NPAS3: variants seen among roughly 807,000 people sequenced by gnomAD.
NPAS3 encodes neuronal PAS domain-containing protein 3.
Under a neutral mutation model 73.1 loss-of-function variants are expected in NPAS3, and 14 were observed. That is an observed-to-expected ratio of 0.19 (90% confidence interval 0.13 to 0.30). The LOEUF (loss-of-function observed/expected upper bound fraction) is 0.30. Among genes scored for constraint, NPAS3 ranks in the 10% least tolerant of loss-of-function variants. NPAS3 has a pLI of 1.00. For synonymous variants in NPAS3, 620 were observed against 541.5 expected, an observed-to-expected ratio of 1.14 and a Z score of -2.01; for missense variants, 1,096 against 1,250.0, an observed-to-expected ratio of 0.88 and a Z score of 1.86.
intron 4 of NPAS3, among the ~76,000 whole-genome samples, chr14:33,447,417 A>C (rs1287063555): frequency 6.6e-6 from 1 of 152,188 alleles, no homozygotes; most frequent in African/African-American, 2.4e-5. Context: ...GGAGGTAGGG[A>C]GAAGAGTGCC....
intron 2 of NPAS3, among the ~76,000 whole-genome samples, chr14:33,197,870 G>C (rs566577957): frequency 7.2e-5 from 11 of 152,232 alleles, no homozygotes; most frequent in African/African-American, 2.4e-5. Context: ...CTTCAAGAAC[G>C]AAGCCGCGGA....
At chr14:33,650,851 G>T (rs954064688) in intron 5 of NPAS3, among the ~76,000 whole-genome samples, 10 of 152,114 alleles carry the variant, frequency 6.6e-5, no homozygotes, top group East Asian at 5.8e-4. Context: ...AAAGGACTTG[G>T]GTCCTTGTTG....
At chr14:33,348,990 G>A (rs774126491) in intron 3 of NPAS3, among the ~76,000 whole-genome samples, 2 of 152,082 alleles carry the variant, frequency 1.3e-5, no homozygotes, top group East Asian at 1.9e-4. Context: ...CTCATTGCCC[G>A]TGAGCCCTTC....
intron 7 of NPAS3, among the ~76,000 whole-genome samples, chr14:33,754,216 T>C (rs926559168): frequency 5.3e-5 from 8 of 152,122 alleles, no homozygotes; most frequent in Non-Finnish European, 7.4e-5. Context: ...AGAGGGCTTT[T>C]TTCCCTGATA....
intron 6 of NPAS3, among the ~76,000 whole-genome samples, chr14:33,692,653 C>T (rs1428211516): frequency 6.6e-6 from 1 of 151,956 alleles, no homozygotes; most frequent in East Asian, 1.9e-4. Flanking sequence ...CCTTGGTCTT[C>T]CAAAGATATA....
chr14:33,534,057 A>G (rs1595101916), intron 4 of NPAS3, among the ~76,000 whole-genome samples: 1 of 152,134 alleles, frequency 6.6e-6, no homozygotes, highest in Non-Finnish European at 1.5e-5. Context: ...TCATGACAAG[A>G]GTATTTGTTT....
chr14:33,402,494 T>G (rs2047489736), intron 4 of NPAS3, among the ~76,000 whole-genome samples: 1 of 152,122 alleles, frequency 6.6e-6, no homozygotes, highest in Admixed American at 6.6e-5. Context: ...TCTGTTATTC[T>G]GGCTCTGGAC....
intron 8 of NPAS3, among the ~76,000 whole-genome samples, chr14:33,775,251 T>C (rs528633464): frequency 6.6e-6 from 1 of 151,964 alleles, no homozygotes; most frequent in Non-Finnish European, 1.5e-5. Context: ...GAGGAAACCA[T>C]GGGGTGCAGG....
At chr14:33,315,768 G>C (rs1310451183) in intron 3 of NPAS3, among the ~76,000 whole-genome samples, 2 of 151,974 alleles carry the variant, frequency 1.3e-5, no homozygotes, top group African/African-American at 4.8e-5. Flanking sequence ...AAGGTAGGCT[G>C]GGGTGAGGAG....
intron 7 of NPAS3, among the ~76,000 whole-genome samples, chr14:33,770,221 C>T (rs2062608373): frequency 6.6e-6 from 1 of 152,184 alleles, no homozygotes; most frequent in African/African-American, 2.4e-5. Context: ...ACTGGTGTAA[C>T]TGCAAACCCA....
At chr14:33,471,300 CCTT>C (rs1248742384) in intron 4 of NPAS3, among the ~76,000 whole-genome samples, 2 of 152,222 alleles carry the variant, frequency 1.3e-5, no homozygotes, top group Non-Finnish European at 2.9e-5. Flanking sequence ...TGACCTTACT[CCTT>C]ATTCACCGCT....
intron 4 of NPAS3, among the ~76,000 whole-genome samples, chr14:33,398,135 G>A (rs2047302065): frequency 6.6e-6 from 1 of 151,990 alleles, no homozygotes; most frequent in Admixed American, 6.6e-5. Flanking sequence ...TTAGAGAGAA[G>A]GTTTTTCCTA....
intron 4 of NPAS3, among the ~76,000 whole-genome samples, chr14:33,499,542 C>T (rs892015388): frequency 6.6e-6 from 1 of 151,888 alleles, no homozygotes; most frequent in African/African-American, 2.4e-5. Context: ...TCTGAGATCA[C>T]TTGTAAGCTC....
intron 4 of NPAS3, among the ~76,000 whole-genome samples, chr14:33,537,951 T>A (rs1018107313): frequency 1.2e-4 from 18 of 152,156 alleles, no homozygotes; most frequent in African/African-American, 4.3e-4. Flanking sequence ...CTCAGCCAGG[T>A]GGTTCATGTA....
intron 1 of NPAS3, among the ~76,000 whole-genome samples, chr14:32,978,829 G>A (rs1375980904): frequency 2.0e-5 from 3 of 152,308 alleles, no homozygotes; most frequent in South Asian, 2.1e-4. Context: ...CCTTATGACA[G>A]TGTCAGATAA....
intron 3 of NPAS3, 46 bp downstream of exon 3, chr14:33,215,472 G>C (rs1460977116): frequency 1.9e-6 from 3 of 1,601,960 alleles, no homozygotes; most frequent in African/African-American, 1.3e-5. Context: ...GGTCTGTAGG[G>C]GTCTGTAAGA....
intron 2 of NPAS3, among the ~76,000 whole-genome samples, chr14:33,104,351 C>T (rs1328036418): frequency 2.0e-5 from 3 of 152,142 alleles, no homozygotes; most frequent in Non-Finnish European, 4.4e-5. Context: ...AGGATGATTT[C>T]ATTTCAGTTC....
intron 2 of NPAS3, among the ~76,000 whole-genome samples, chr14:33,163,403 C>T (rs972436369): frequency 3.3e-5 from 5 of 152,006 alleles, no homozygotes; most frequent in East Asian, 1.9e-4. Context: ...AGGGTACATG[C>T]GAAAAATGTG....
chr14:33,253,924 C>T (rs923277248), intron 3 of NPAS3, among the ~76,000 whole-genome samples: 7 of 152,092 alleles, frequency 4.6e-5, no homozygotes, highest in African/African-American at 1.2e-4. Context: ...TCATCTAAAA[C>T]CCAGTTCTCC....
Sources: gnomAD v4.1 joint callset for allele counts (sites outside exome capture counted in the v4.1 genomes callset) on GRCh38, gnomAD v4.1.1 for gene constraint, MANE v1.5 for transcripts, NCBI Gene and HGNC (gene_info 2026-07-23, HGNC 2026-07-21) for gene names.